Variants in ITGA6 observed in about 807,000 individuals in gnomAD.
The protein encoded by ITGA6 is integrin subunit alpha 6.
ITGA6 carries 63 observed loss-of-function variants against 133.6 expected under a neutral mutation model. The ratio of observed to expected loss-of-function variants is 0.47; its 90% confidence interval spans 0.38 to 0.58. The LOEUF (loss-of-function observed/expected upper bound fraction) is 0.58. ITGA6 is among the 20% of genes least tolerant of loss of function. ITGA6 has a pLI of 0.00. For synonymous variants in ITGA6, 434 were observed against 482.0 expected, an observed-to-expected ratio of 0.90 and a Z score of 1.30; for missense variants, 1,068 against 1,309.4, an observed-to-expected ratio of 0.82 and a Z score of 2.85.
intron 1 of ITGA6, among the ~76,000 whole-genome samples, chr2:172,448,270 T>C (rs1467473915): frequency 1.3e-5 from 2 of 151,308 alleles, no homozygotes; most frequent in Non-Finnish European, 2.9e-5. Flanking sequence ...TTGTAATAGA[T>C]TTTTTTTAAT....
At chr2:172,490,896 C>T (rs949189399) in intron 20 of ITGA6, 128 bp from the exon 21 acceptor site, 1 of 702,582 alleles carries the variant, frequency 1.4e-6, no homozygotes, top group Non-Finnish European at 2.6e-6. Flanking sequence ...GTGCCTTTGG[C>T]AGGAGAGAGG....
At chr2:172,439,602 C>A (rs1684460165) in intron 1 of ITGA6, among the ~76,000 whole-genome samples, 1 of 151,806 alleles carries the variant, frequency 6.6e-6, no homozygotes, top group Non-Finnish European at 1.5e-5. Flanking sequence ...ATATAAAACA[C>A]AAGTCTTCGA....
intron 1 of ITGA6, among the ~76,000 whole-genome samples, chr2:172,437,675 T>C (rs373217774): frequency 7.2e-5 from 11 of 152,036 alleles, no homozygotes; most frequent in East Asian, 5.8e-4. Context: ...TGAAGTTCAG[T>C]TGGAAAGGTT....
chr2:172,462,008 G>A (rs886858981), intron 1 of ITGA6, among the ~76,000 whole-genome samples: 4 of 152,248 alleles, frequency 2.6e-5, no homozygotes, highest in African/African-American at 7.2e-5. Context: ...CTGCCTTTAA[G>A]GCTGGTTCCA....
chr2:172,428,297 C>T (rs1683953403), intron 1 of ITGA6: 1 of 159,292 alleles, frequency 6.3e-6, no homozygotes, highest in Non-Finnish European at 1.4e-5. Context: ...CGGCAGGTGG[C>T]ACGCTTTGCT....
At chr2:172,472,740 T>C (rs749871241) in intron 5 of ITGA6, 5 of 1,374,808 alleles carry the variant, frequency 3.6e-6, no homozygotes, top group Non-Finnish European at 5.2e-6. Flanking sequence ...AATTACTTTT[T>C]CTTCAATTTC....
chr2:172,462,431 G>T (rs1043795871), intron 1 of ITGA6, among the ~76,000 whole-genome samples: 2 of 152,180 alleles, frequency 1.3e-5, no homozygotes, highest in Admixed American at 6.5e-5. Flanking sequence ...TCGTTTGCAG[G>T]TCTCTTTTCG....
intron 11 of ITGA6, among the ~76,000 whole-genome samples, chr2:172,480,470 G>A (rs1686390136): frequency 6.6e-6 from 1 of 151,958 alleles, no homozygotes; most frequent in Non-Finnish European, 1.5e-5. Context: ...ACAGCACAGA[G>A]TCACTGCCAG....
Position 172,501,799 on chromosome 2 carries a change from GATCATTATGAT to G in ITGA6, c.3143_3153del (p.Asp1048GlyfsTer7). 1 of 1,612,612 alleles carries G rather than the reference GATCATTATGAT, an allele frequency of 6.2e-7. No homozygotes were observed. The highest frequency in any genetic ancestry group is 1.1e-5 in the South Asian group (1 of 91,018). On this transcript the variant is annotated frameshift_variant, in exon 25 of 26. Coordinates refer to ENST00000684293, the MANE Select transcript of ITGA6 (RefSeq NM_000210.4). LOFTEE classifies it high-confidence loss of function. ...TGGTTTCTTCAAGAGAAATAAGAAA[GATCATTATGAT>G]GCCACATATCACAAGGCTGAGATCC...
intron 5 of ITGA6, among the ~76,000 whole-genome samples, chr2:172,471,736 A>G (rs551856802): frequency 1.3e-5 from 2 of 152,324 alleles, no homozygotes; most frequent in African/African-American, 2.4e-5. Flanking sequence ...GCTTGTTTGC[A>G]TGACTAATGG....
At chr2:172,484,292 G>T (rs1241483593) in intron 11 of ITGA6, among the ~76,000 whole-genome samples, 1 of 152,226 alleles carries the variant, frequency 6.6e-6, no homozygotes, top group African/African-American at 2.4e-5. Flanking sequence ...CCGTAGGTGT[G>T]ACTGGGCCTG....
intron 1 of ITGA6, among the ~76,000 whole-genome samples, chr2:172,453,641 C>T (rs193058326): frequency 9.2e-5 from 14 of 152,290 alleles, no homozygotes; most frequent in Admixed American, 2.0e-4. Flanking sequence ...TGCATGGGGC[C>T]CATCTGGATA....
intron 11 of ITGA6, among the ~76,000 whole-genome samples, chr2:172,480,523 C>T (rs988965586): frequency 6.6e-6 from 1 of 152,134 alleles, no homozygotes; most frequent in Non-Finnish European, 1.5e-5. Context: ...GGAACACCCG[C>T]CCTGTGTTCC....
intron 5 of ITGA6, chr2:172,472,859 A>G: frequency 1.2e-6 from 2 of 1,610,910 alleles, no homozygotes; most frequent in Non-Finnish European, 1.7e-6. Context: ...AGCCTGACAC[A>G]TTCCCTGATG....
In ITGA6 at chr2:172,477,020, C is replaced by T. The variant is rs1379520031; in HGVS notation, c.1388+507C>T. On this transcript the variant is annotated intron_variant, in intron 9 of 25. Coordinates refer to ENST00000684293, the MANE Select transcript of ITGA6 (RefSeq NM_000210.4). ...TACTTTTCCAAAATGAAGTTAACAA[C>T]TGTCTGTGAGGCATCTTCTGACAGG... Among the ~76,000 whole-genome samples, 13 of 152,330 alleles carry T rather than the reference C, an allele frequency of 8.5e-5. No individual in the cohort carries two copies. In the East Asian group the frequency reaches 2.5e-3, roughly 29 times the overall value.
intron 3 of ITGA6, among the ~76,000 whole-genome samples, 192 bp downstream of exon 3, chr2:172,467,752 C>T (rs1478238468): frequency 6.6e-6 from 1 of 152,088 alleles, no homozygotes; most frequent in Non-Finnish European, 1.5e-5. Context: ...TTTGTGAGGC[C>T]AAGGCGGGCG....
At chr2:172,460,468 G>A (rs1435339387) in intron 1 of ITGA6, among the ~76,000 whole-genome samples, 1 of 152,194 alleles carries the variant, frequency 6.6e-6, no homozygotes, top group Non-Finnish European at 1.5e-5. Context: ...CATAGGATGG[G>A]AGGTGGCAGT....
chr2:172,427,676 C>A lies in ITGA6; in HGVS notation c.-113C>A, dbSNP rs1559106866. 18 of 1,333,502 alleles carry A rather than the reference C, an allele frequency of 1.3e-5. No homozygotes were observed. Among genetic ancestry groups the A allele is most frequent in the Non-Finnish European group, 1.6e-5 (17 of 1,043,782 alleles). The allele number at this position is 1,333,502 out of a possible 1,614,324, so 82.6% of individuals were successfully genotyped here. A position where few individuals can be genotyped will look rare whatever the true frequency, so the allele number is the denominator to read the frequency against. On this transcript the variant is annotated 5_prime_UTR_variant, in exon 1 of 26. Transcript: ENST00000684293. ...GTCCCGGGGGTGGGGCCGGGCGCAG[C>A]GGCGAGAGGAGGCGAAGGTGGCTGC...
At chr2:172,503,893 C>T (rs1197638305) in intron 25 of ITGA6, 198 bp from the exon 26 acceptor site, 8 of 384,172 alleles carry the variant, frequency 2.1e-5, no homozygotes, top group Non-Finnish European at 3.7e-5. Context: ...TCCAGTTTTA[C>T]AGCTGTTCTC....
Sources: allele counts gnomAD v4.1 joint callset (sites outside exome capture counted in the v4.1 genomes callset), GRCh38; gene constraint gnomAD v4.1.1; transcripts MANE v1.5; gene names NCBI Gene and HGNC (gene_info 2026-07-23, HGNC 2026-07-21).